Variants in THRB observed in about 807,000 individuals in gnomAD.
THRB encodes nuclear receptor subfamily 1 group A member 2.
A neutral mutation model predicts 47.8 loss-of-function variants in THRB; 12 were observed. The ratio of observed to expected loss-of-function variants is 0.25; its 90% CI spans 0.16 to 0.41. The LOEUF is 0.41. Ranked by LOEUF, THRB falls within the 10% of genes least tolerant of loss-of-function variation. THRB has a pLI of 1.00. For synonymous variants in THRB, 218 were observed against 212.2 expected (o/e 1.03, Z -0.24); for missense variants, 348 against 589.2 (o/e 0.59, Z 4.24).
At chr3:24,407,487 A>C (rs956238702) in intron 1 of THRB, among the ~76,000 whole-genome samples, 2 of 151,856 alleles carry the variant, frequency 1.3e-5, no homozygotes, top group Non-Finnish European at 2.9e-5. Context: ...CTAGTGAGTT[A>C]GTGTGACATT....
rs563354669 is a variant in THRB, at chr3:24,361,360, G to A, written c.-260-23989C>T. ...AAAGAGTCACCATATTGTTTCTGTCGATATACATAATACACAGCCCAAAAT... is the reference window on the plus strand; with the variant it reads ...AAAGAGTCACCATATTGTTTCTGTCAATATACATAATACACAGCCCAAAAT... On this transcript the variant is annotated intron_variant, in intron 1 of 10. Coordinates refer to ENST00000646209, the MANE Select transcript of THRB (RefSeq NM_001354712.2). Among the ~76,000 whole-genome samples the A allele has an allele frequency of 8.5e-5, 13 of 152,124 alleles. No homozygotes were observed. The East Asian group carries it at 2.1e-3, about 25-fold the overall frequency.
At chr3:24,470,778 G>A (rs938485316) in intron 1 of THRB, among the ~76,000 whole-genome samples, 6 of 152,066 alleles carry the variant, frequency 3.9e-5, no homozygotes, top group Non-Finnish European at 7.4e-5. Context: ...CACCATGCCC[G>A]GCTAATTTTT....
intron 1 of THRB, among the ~76,000 whole-genome samples, chr3:24,351,886 C>T (rs2149544219): frequency 6.6e-6 from 1 of 152,300 alleles, no homozygotes; most frequent in East Asian, 1.9e-4. Context: ...CCTATATACT[C>T]TTGCTTTCCA....
intron 1 of THRB, among the ~76,000 whole-genome samples, chr3:24,370,563 T>C (rs2064831104): frequency 6.6e-6 from 1 of 151,944 alleles, no homozygotes; most frequent in Non-Finnish European, 1.5e-5. Flanking sequence ...ATCTATGGAG[T>C]GACTTCCTGG....
At chr3:24,374,263 T>C (rs1441602761) in intron 1 of THRB, among the ~76,000 whole-genome samples, 1 of 152,080 alleles carries the variant, frequency 6.6e-6, no homozygotes, top group East Asian at 1.9e-4. Flanking sequence ...GTACTAAATA[T>C]TGTCAGAGAC....
Position 24,207,863 on chromosome 3 carries a change from A to G in THRB, c.23-17529T>C, listed in dbSNP as rs539306207. 1.1e-4 allele frequency among the ~76,000 whole-genome samples: 17 copies of G among 152,320 alleles called. No individual in the cohort carries two copies. The East Asian group carries it at 3.3e-3, about 29-fold the overall frequency. On this transcript the variant is annotated intron_variant, in intron 4 of 10. Coordinates refer to ENST00000646209, the MANE Select transcript of THRB (RefSeq NM_001354712.2). ...CTGGCCAGGGCAATCAGGCAGGAGAAAGAAATATATGGTATTCAATTAGGA... is the reference window on the plus strand; with the variant it reads ...CTGGCCAGGGCAATCAGGCAGGAGAGAGAAATATATGGTATTCAATTAGGA...
intron 8 of THRB, 49 bp from the exon 9 acceptor site, chr3:24,133,511 T>A: frequency 6.5e-7 from 1 of 1,539,868 alleles, no homozygotes; most frequent in Non-Finnish European, 9.0e-7. Flanking sequence ...TGAAGGGAGC[T>A]TTATTTATCA....
At chr3:24,148,107 G>A (rs1285820743) in intron 6 of THRB, among the ~76,000 whole-genome samples, 1 of 152,168 alleles carries the variant, frequency 6.6e-6, no homozygotes, top group East Asian at 1.9e-4. Context: ...GGCAAAATGA[G>A]TGTTTTAAAA....
chr3:24,287,746 A>G (rs1001066928), intron 3 of THRB, among the ~76,000 whole-genome samples: 5 of 152,218 alleles, frequency 3.3e-5, no homozygotes, highest in Non-Finnish European at 7.3e-5. Context: ...TTGAAGGCAG[A>G]ACCTGATGTT....
At chr3:24,335,349 A>G (rs2062181103) in intron 2 of THRB, among the ~76,000 whole-genome samples, 1 of 152,232 alleles carries the variant, frequency 6.6e-6, no homozygotes, top group African/African-American at 2.4e-5. Flanking sequence ...TTATTGAACA[A>G]AAAATATTAG....
intron 1 of THRB, among the ~76,000 whole-genome samples, chr3:24,471,690 C>T (rs1694732485): frequency 6.6e-6 from 1 of 152,150 alleles, no homozygotes; most frequent in Non-Finnish European, 1.5e-5. Flanking sequence ...AGCCAGAGGG[C>T]TTTGGCAGAT....
Position 24,252,894 on chromosome 3 carries a change from A to C in THRB, c.-42-23893T>G, listed in dbSNP as rs2050808838. Among the ~76,000 whole-genome samples the C allele has an allele frequency of 3.3e-5, 5 of 152,182 alleles. No individual in the cohort carries two copies. In the South Asian group the frequency reaches 8.3e-4, roughly 25 times the overall value. On this transcript the variant is annotated intron_variant, in intron 3 of 10. Coordinates refer to ENST00000646209, the MANE Select transcript of THRB (RefSeq NM_001354712.2). ...ATCCAAAGAGTATCTGTGGATGGAC[A>C]CAAAGAAACTAACAACACTGCCTAT... is the stretch of plus-strand genomic sequence containing the variant.
intron 8 of THRB, among the ~76,000 whole-genome samples, chr3:24,139,368 T>A (rs532228280): frequency 7.0e-6 from 1 of 143,450 alleles, no homozygotes; most frequent in East Asian, 2.6e-4. Flanking sequence ...TTTTCTTTCT[T>A]TCTTTCTTTT....
intron 2 of THRB, among the ~76,000 whole-genome samples, chr3:24,309,186 A>G (rs2057569652): frequency 6.6e-6 from 1 of 152,164 alleles, no homozygotes. Context: ...TATATGTATT[A>G]TGATTTAAAA....
At chr3:24,234,975 C>T (rs776091531) in intron 3 of THRB, among the ~76,000 whole-genome samples, 16 of 152,128 alleles carry the variant, frequency 1.1e-4, no homozygotes, top group African/African-American at 1.7e-4. Context: ...TGGGGAGCCA[C>T]GGAAGGTCTT....
chr3:24,290,381 T>A (rs777260697), intron 3 of THRB, among the ~76,000 whole-genome samples: 2 of 152,178 alleles, frequency 1.3e-5, no homozygotes, highest in Non-Finnish European at 2.9e-5. Flanking sequence ...TTTGGGCCTA[T>A]CTGAAATGTC....
intron 2 of THRB, among the ~76,000 whole-genome samples, chr3:24,322,347 A>G (rs1423344610): frequency 6.6e-6 from 1 of 152,230 alleles, no homozygotes; most frequent in Non-Finnish European, 1.5e-5. Context: ...GAAAACAGTA[A>G]CGGTTTTAAA....
intron 4 of THRB, among the ~76,000 whole-genome samples, chr3:24,224,973 G>T (rs1342597457): frequency 6.6e-6 from 1 of 152,058 alleles, no homozygotes; most frequent in East Asian, 1.9e-4. Context: ...GTTGATCATG[G>T]TTTTATCCAA....
chr3:24,284,946 G>A (rs529384687), intron 3 of THRB, among the ~76,000 whole-genome samples: 2,205 of 152,196 alleles, frequency 0.014, 56 homozygotes, highest in African/African-American at 0.05. Context: ...GTGCTGGAGA[G>A]GATGTGGAGA....
Sources: allele counts gnomAD v4.1 joint callset (sites outside exome capture counted in the v4.1 genomes callset), GRCh38; gene constraint gnomAD v4.1.1; transcripts MANE v1.5; gene names NCBI Gene and HGNC (gene_info 2026-07-23, HGNC 2026-07-21).